Variants in KLRB1 observed in about 807,000 individuals in gnomAD.
KLRB1 encodes killer cell lectin like receptor B1.
KLRB1 carries 27 observed loss-of-function variants against 33.5 expected under a neutral mutation model. That is an observed-to-expected ratio of 0.81 (90% CI 0.59 to 1.11). The LOEUF (loss-of-function observed/expected upper bound fraction) is 1.11, where lower values mean the gene tolerates loss of function less well. Among genes scored for constraint, KLRB1 ranks in the 50% most tolerant of loss-of-function variants. KLRB1 has a pLI of 0.00. For synonymous variants in KLRB1, 64 were observed against 88.9 expected, an observed-to-expected ratio of 0.72 and a Z score of 1.58; for missense variants, 241 against 254.1, an observed-to-expected ratio of 0.95 and a Z score of 0.35.
chr12:9,607,366 T>TTCTTTCTTTCTTTCTTTCTCTCTC (rs1565444645), intron 1 of KLRB1, among the ~76,000 whole-genome samples: 11 of 82,152 alleles, frequency 1.3e-4, no homozygotes, highest in African/African-American at 4.1e-4. Context: ...CTTTCTTTCT[T>TTCTTTCTTTCTTTCTTTCTCTCTC]TCTTTCTTTC....
chr12:9,606,788 G>A (rs1247557926), intron 1 of KLRB1, among the ~76,000 whole-genome samples: 1 of 93,402 alleles, frequency 1.1e-5, no homozygotes, highest in Non-Finnish European at 2.1e-5. Flanking sequence ...AGATAGTCTT[G>A]CTGTGTCACC....
intron 2 of KLRB1, among the ~76,000 whole-genome samples, chr12:9,600,870 C>A (rs1864533750): frequency 6.6e-6 from 1 of 151,890 alleles, no homozygotes. Context: ...GACCGTCCCC[C>A]AGCCCGACAC....
chr12:9,602,178 C>T (rs1202986605), intron 1 of KLRB1, among the ~76,000 whole-genome samples: 1 of 152,130 alleles, frequency 6.6e-6, no homozygotes, highest in Non-Finnish European at 1.5e-5. Context: ...TTTGTGACTG[C>T]ATACCTTTTT....
At chr12:9,601,642 G>A (rs199801482) in intron 1 of KLRB1, 43 bp from the exon 2 acceptor site, 13 of 551,874 alleles carry the variant, frequency 2.4e-5, no homozygotes, top group East Asian at 6.0e-5. Flanking sequence ...ACAAACAAAC[G>A]AAACAAAAAA....
Position 9,607,873 on chromosome 12 carries a change from G to A in KLRB1, c.-34C>T, listed in dbSNP as rs1324221585. The A allele has an allele frequency of 4.1e-6, 6 of 1,462,844 alleles. No homozygotes were observed. Among genetic ancestry groups the A allele is most frequent in the Non-Finnish European group, 4.8e-6 (5 of 1,043,278 alleles). 90.6% of individuals were successfully genotyped at this position (1,462,844 alleles called of 1,614,324 possible). On this transcript the variant is annotated 5_prime_UTR_variant, in exon 1 of 6. Transcript: ENST00000229402. The stretch of plus-strand genomic sequence containing the variant: ...GAGGAAGGTGGCATTAAACTTGTGT[G>A]TAAGAACAAACTCTCAATTCTGTGA...
At chr12:9,603,601 T>A (rs768261403) in intron 1 of KLRB1, among the ~76,000 whole-genome samples, 8,557 of 139,534 alleles carry the variant, frequency 0.061, 313 homozygotes, top group African/African-American at 0.11. Flanking sequence ...ATTTTGTATT[T>A]TTTTTTTTTT....
intron 1 of KLRB1, chr12:9,606,357 T>C (rs766937054): frequency 6.6e-6 from 1 of 152,246 alleles, no homozygotes; most frequent in East Asian, 1.9e-4. Context: ...CCACAGGCCA[T>C]GCTATCCATC....
chr12:9,604,709 T>C (rs780325142), intron 1 of KLRB1, among the ~76,000 whole-genome samples: 1 of 152,314 alleles, frequency 6.6e-6, no homozygotes, highest in South Asian at 2.1e-4. Context: ...ATTATTCTGT[T>C]TGATATGCTA....
At chr12:9,606,754 ATATATATTTTT>A (rs1864609036) in intron 1 of KLRB1, among the ~76,000 whole-genome samples, 9 of 25,412 alleles carry the variant, frequency 3.5e-4, no homozygotes, top group Admixed American at 6.6e-4. Context: ...ATATATATAT[ATATATATTTTT>A]TTTTTTTTTT....
intron 1 of KLRB1, among the ~76,000 whole-genome samples, chr12:9,607,412 T>TCTTTCTTTC (rs1565444766): frequency 8.9e-5 from 13 of 145,398 alleles, no homozygotes; most frequent in Non-Finnish European, 1.8e-4. Context: ...TTCTTTTCTT[T>TCTTTCTTTC]CTTTCTTTCT....
At chr12:9,607,415 T>TTCTTTCTTTCTTTTCTTTCTG (rs1555097888) in intron 1 of KLRB1, among the ~76,000 whole-genome samples, 4 of 103,278 alleles carry the variant, frequency 3.9e-5, no homozygotes, top group Admixed American at 9.7e-5. Context: ...TTTTCTTTCT[T>TTCTTTCTTTCTTTTCTTTCTG]TCTTTCTTTC....
chr12:9,601,456 G>A, intron 2 of KLRB1, 45 bp downstream of exon 2: 1 of 1,396,652 alleles, frequency 7.2e-7, no homozygotes, highest in Non-Finnish European at 1.0e-6. Context: ...ATACGTAATG[G>A]AAGTAGAGTA....
chr12:9,603,640 T>A (rs935604953), intron 1 of KLRB1, among the ~76,000 whole-genome samples: 1 of 150,412 alleles, frequency 6.6e-6, no homozygotes, highest in Non-Finnish European at 1.5e-5. Flanking sequence ...TTCTCCATGT[T>A]GGTCAGGCTG....
Position 9,607,795 on chromosome 12 carries a change from G to A in KLRB1, c.45C>T (p.Asp15=), listed in dbSNP as rs1023257374. Residue 15 remains aspartate (D), a synonymous_variant, in exon 1 of 6, where the codon GAC becomes GAT. Transcript: ENST00000229402. The stretch of plus-strand genomic sequence containing the variant: ...AAGGTGAAGAACTTTCTGGGCCTGA[G>A]TCTGTGGGTAAGTTTAACTCAGCAT... ...AIYAELNLPT[D]SGPESSSPSS... is the part of the protein sequence containing the mutation. 6 of 1,613,802 alleles carry A rather than the reference G, an allele frequency of 3.7e-6. No individual in the cohort carries two copies. In the Admixed American group the frequency reaches 8.3e-5, roughly 22 times the overall value.
At chr12:9,603,598 A>T (rs1368826575) in intron 1 of KLRB1, among the ~76,000 whole-genome samples, 10 of 136,524 alleles carry the variant, frequency 7.3e-5, no homozygotes, top group African/African-American at 2.7e-4. Flanking sequence ...CTAATTTTGT[A>T]TTTTTTTTTT....
At chr12:9,602,795 A>G (rs1385907967) in intron 1 of KLRB1, among the ~76,000 whole-genome samples, 2 of 152,154 alleles carry the variant, frequency 1.3e-5, no homozygotes, top group African/African-American at 4.8e-5. Context: ...TAAAAAATTT[A>G]GCATCAGATA....
intron 1 of KLRB1, 182 bp downstream of exon 1, chr12:9,607,573 T>G (rs1330075056): frequency 1.8e-6 from 1 of 545,746 alleles, no homozygotes; most frequent in Non-Finnish European, 3.3e-6. Flanking sequence ...AATAAATGTA[T>G]GAGGTTTAAA....
At chr12:9,601,634 A>T in intron 1 of KLRB1, 35 bp from the exon 2 acceptor site, 1 of 1,461,034 alleles carries the variant, frequency 6.8e-7, no homozygotes, top group African/African-American at 1.4e-5. Flanking sequence ...AAAAACAAAC[A>T]AACAAACGAA....
chr12:9,598,178 A>G lies in KLRB1; in HGVS notation c.415-17T>C. 6.8e-7 allele frequency: 1 copy of G among 1,470,066 alleles called. No individual in the cohort carries two copies. The highest frequency in any genetic ancestry group is 9.5e-7 in the Non-Finnish European group (1 of 1,051,688). 91.1% of individuals were successfully genotyped at this position (1,470,066 alleles called of 1,614,324 possible). On this transcript the variant is annotated splice_polypyrimidine_tract_variant and intron_variant, in intron 4 of 5. Coordinates refer to ENST00000229402, the MANE Select transcript of KLRB1 (RefSeq NM_002258.3). The stretch of plus-strand genomic sequence containing the variant: ...TGTGTGTATCTATAAATGGAACAGA[A>G]AAATATTGAATCTGCTTATCTATTC...
Sources: gnomAD v4.1 joint callset for allele counts (sites outside exome capture counted in the v4.1 genomes callset) on GRCh38, gnomAD v4.1.1 for gene constraint, MANE v1.5 for transcripts, NCBI Gene and HGNC (gene_info 2026-07-23, HGNC 2026-07-21) for gene names.